Variants in STRA8 observed in about 807,000 individuals in gnomAD.
The protein encoded by STRA8 is stimulated by retinoic acid gene 8 protein homolog.
STRA8 carries 18 observed loss-of-function variants against 37.1 expected under a neutral mutation model. The ratio of observed to expected loss-of-function variants is 0.48; its 90% CI spans 0.34 to 0.72. The LOEUF (loss-of-function observed/expected upper bound fraction) is 0.72, where lower values mean the gene tolerates loss of function less well. Ranked by LOEUF, STRA8 falls within the 30% of genes least tolerant of loss-of-function variation. The pLI is 0.01. For missense variants in STRA8, 357 were observed against 410.4 expected (o/e 0.87, Z 1.13); for synonymous variants, 168 against 162.9 (o/e 1.03, Z -0.24).
chr7:135,255,891 C>A (rs1026852401), intron 8 of STRA8, among the ~76,000 whole-genome samples: 2 of 152,260 alleles, frequency 1.3e-5, no homozygotes, highest in Non-Finnish European at 2.9e-5. Flanking sequence ...GAACCTTTGA[C>A]ACCTTCCCAA....
intron 1 of STRA8, among the ~76,000 whole-genome samples, chr7:135,238,292 G>C (rs1173385071): frequency 2.0e-5 from 3 of 152,206 alleles, no homozygotes; most frequent in Non-Finnish European, 4.4e-5. Flanking sequence ...AGCTTGGCCA[G>C]CATGCTCTGG....
At chr7:135,245,852 C>T (rs1468126941) in intron 5 of STRA8, among the ~76,000 whole-genome samples, 1 of 152,170 alleles carries the variant, frequency 6.6e-6, no homozygotes, top group Non-Finnish European at 1.5e-5. Context: ...GCTAACCCCT[C>T]TCTCCCCCAA....
At position 135,246,811 on chromosome 7, in the gene STRA8, C is replaced by G; in HGVS notation, c.879+109C>G. On this transcript the variant is annotated intron_variant, in intron 6 of 8. Transcript: ENST00000662584. The surrounding 1 kb of genome is among the most constrained non-coding windows in gnomAD (Gnocchi z 5.4). The stretch of plus-strand genomic sequence containing the variant: ...GCAGGTTGGAGGTGCAGTTTGCCTT[C>G]TGGCTCCCAAGGTCGGTTTCTGATT... The G allele has an allele frequency of 8.5e-7, 1 of 1,172,870 alleles. No homozygotes were observed. The highest frequency in any genetic ancestry group is 1.1e-6 in the Non-Finnish European group (1 of 872,208). The allele number at this position is 1,172,870 out of a possible 1,614,324, so 72.7% of individuals were successfully genotyped here.
intron 5 of STRA8, among the ~76,000 whole-genome samples, chr7:135,245,912 G>A (rs1223833639): frequency 2.0e-5 from 3 of 152,108 alleles, no homozygotes; most frequent in African/African-American, 4.8e-5. Flanking sequence ...GAAAGATGGC[G>A]AATGGCTGGC....
At chr7:135,253,785 T>A (rs909679188) in intron 7 of STRA8, among the ~76,000 whole-genome samples, 3 of 152,220 alleles carry the variant, frequency 2.0e-5, no homozygotes, top group African/African-American at 7.2e-5. Context: ...TTCAGATACC[T>A]GTGCTGCTAT....
chr7:135,257,483 G>C (rs1024167558), intron 8 of STRA8, among the ~76,000 whole-genome samples: 1 of 151,762 alleles, frequency 6.6e-6, no homozygotes, highest in South Asian at 2.1e-4. Context: ...GTGTAGTCAT[G>C]GTGTGATCTT....
Position 135,241,978 on chromosome 7 carries a change from G to T in STRA8, c.193-803G>T, listed in dbSNP as rs1585470761. ...TACCATTTTAGCATTGCTCGTTTTT[G>T]AATAATCTTGCTGTTACCATTTTGA... is the stretch of plus-strand genomic sequence containing the variant. On this transcript the variant is annotated intron_variant, in intron 2 of 8. Coordinates refer to ENST00000662584, the MANE Select transcript of STRA8 (RefSeq NM_001394401.1). Among the ~76,000 whole-genome samples the T allele has an allele frequency of 4.0e-5, 6 of 150,902 alleles. 1 individual carries two copies. The Admixed American group carries it at 4.0e-4, about 10-fold the overall frequency.
chr7:135,240,613 C>T lies in STRA8; in HGVS notation c.89C>T (p.Ala30Val), dbSNP rs1485511380. The T allele has an allele frequency of 6.2e-7, 1 of 1,614,078 alleles. No homozygotes were observed. Among genetic ancestry groups the T allele is most frequent in the Non-Finnish European group, 8.5e-7 (1 of 1,180,044 alleles). Residue 30 changes from alanine (A) to valine (V), a missense_variant, in exon 2 of 9, where the codon GCC becomes GTC. By Grantham distance (64) the Ala-to-Val change is moderately conservative (BLOSUM62 0). Transcript: ENST00000662584. ...AQLQELEHRVARRRLSQARHR... is the reference protein window; with the variant it reads ...AQLQELEHRVVRRRLSQARHR... ...CTGCAGGAGCTTGAGCATCGGGTGG[C>T]CCGGAGACGGCTGTCCCAGGCCCGC... is the stretch of plus-strand genomic sequence containing the variant.
At chr7:135,247,729 A>G (rs530141271) in intron 6 of STRA8, among the ~76,000 whole-genome samples, 1 of 152,330 alleles carries the variant, frequency 6.6e-6, no homozygotes, top group South Asian at 2.1e-4. Context: ...CACAACTGCT[A>G]CCGTAAATGC....
At chr7:135,241,446 GC>G (rs1336371190) in intron 2 of STRA8, among the ~76,000 whole-genome samples, 1 of 152,040 alleles carries the variant, frequency 6.6e-6, no homozygotes, top group Non-Finnish European at 1.5e-5. Flanking sequence ...AGGCTACTCT[GC>G]CCCCAGCTGC....
At chr7:135,249,486 A>G (rs186611845) in intron 6 of STRA8, among the ~76,000 whole-genome samples, 1 of 152,340 alleles carries the variant, frequency 6.6e-6, no homozygotes, top group Admixed American at 6.5e-5. Flanking sequence ...CTGGAGGCTG[A>G]GGCAGGATAA....
In STRA8 at chr7:135,233,873, G is replaced by A. The variant is rs371564353; in HGVS notation, c.-37G>A. 2.8e-4 allele frequency among the ~76,000 whole-genome samples: 43 copies of A among 152,338 alleles called. 2 individuals carry two copies. The South Asian group carries it at 8.5e-3, about 30-fold the overall frequency. On this transcript the variant is annotated 5_prime_UTR_variant, in exon 1 of 9. Coordinates refer to ENST00000662584, the MANE Select transcript of STRA8 (RefSeq NM_001394401.1). ...ACGAAGCCGGGTGACTGCTGTCCCG[G>A]GAGTGGGGACGTCGCGTGCACCGTT...
intron 2 of STRA8, among the ~76,000 whole-genome samples, chr7:135,241,382 A>G (rs1832461796): frequency 6.6e-6 from 1 of 151,832 alleles, no homozygotes; most frequent in Non-Finnish European, 1.5e-5. Flanking sequence ...CAGCCCCCTC[A>G]AGTCTCCTTT....
chr7:135,232,020 A>T, upstream of STRA8: 1 of 1,614,066 alleles, frequency 6.2e-7, no homozygotes, highest in Non-Finnish European at 8.5e-7. Flanking sequence ...TTTTCAATCA[A>T]GAAATCAGGC....
intron 1 of STRA8, among the ~76,000 whole-genome samples, chr7:135,236,261 T>TAC (rs1219992543): frequency 9.3e-6 from 1 of 107,868 alleles, no homozygotes; most frequent in Non-Finnish European, 2.1e-5. Flanking sequence ...TCTTTATATA[T>TAC]ATATATGTGT....
intron 1 of STRA8, among the ~76,000 whole-genome samples, chr7:135,235,734 G>A (rs887166307): frequency 1.3e-5 from 2 of 152,100 alleles, no homozygotes; most frequent in Non-Finnish European, 2.9e-5. Flanking sequence ...GAGCCACCGC[G>A]CCCAGCTGAT....
chr7:135,234,009 T>C (rs934239623), intron 1 of STRA8, among the ~76,000 whole-genome samples, 106 bp downstream of exon 1: 2 of 152,170 alleles, frequency 1.3e-5, no homozygotes, highest in Non-Finnish European at 2.9e-5. Flanking sequence ...AGGTGAACTT[T>C]TAGCGCGGGG....
chr7:135,247,761 T>C (rs766971851), intron 6 of STRA8, among the ~76,000 whole-genome samples: 1 of 152,332 alleles, frequency 6.6e-6, no homozygotes, highest in South Asian at 2.1e-4. Context: ...TTCAGAACGC[T>C]AGTCAGAATG....
At chr7:135,248,286 ACTGTGT>A (rs1397235606) in intron 6 of STRA8, among the ~76,000 whole-genome samples, 2 of 152,158 alleles carry the variant, frequency 1.3e-5, no homozygotes, top group Non-Finnish European at 2.9e-5. Context: ...TGCTTCAGTG[ACTGTGT>A]CTCTGTCATC....
Sources: allele counts gnomAD v4.1 joint callset (sites outside exome capture counted in the v4.1 genomes callset), GRCh38; gene constraint gnomAD v4.1.1; non-coding constraint Gnocchi (gnomAD v3.1); transcripts MANE v1.5; gene names NCBI Gene and HGNC (gene_info 2026-07-23, HGNC 2026-07-21).